Variants in ADPRS observed in about 807,000 individuals in gnomAD.
ADPRS encodes ADP-ribosylserine hydrolase.
In ADPRS, 25 loss-of-function variants were observed where a neutral mutation model predicts 32.1. That is an observed-to-expected ratio of 0.78 (90% CI 0.57 to 1.09). ADPRS has a LOEUF of 1.09. Ranked by LOEUF, ADPRS falls within the 50% of genes least tolerant of loss-of-function variation. The pLI is 0.00. For missense variants in ADPRS, 482 were observed against 480.6 expected, an observed-to-expected ratio of 1.00 and a Z score of -0.03; for synonymous variants, 225 against 201.0, an observed-to-expected ratio of 1.12 and a Z score of -1.01.
rs775626747 is a variant in ADPRS, at chr1:36,093,091, C to T, written c.803-6C>T. The T allele has an allele frequency of 6.2e-7, 1 of 1,611,626 alleles. No homozygotes were observed. Among genetic ancestry groups the T allele is most frequent in the Non-Finnish European group, 8.5e-7 (1 of 1,178,130 alleles). ...ATGCAGCCCCTCTAACCTGGCTTCCCCACAGGGAATGGCATTGCTGCCTTT... is the reference window on the plus strand; with the variant it reads ...ATGCAGCCCCTCTAACCTGGCTTCCTCACAGGGAATGGCATTGCTGCCTTT... On this transcript the variant is annotated splice_polypyrimidine_tract_variant and splice_region_variant and intron_variant, in intron 5 of 5. Transcript: ENST00000373178.
In ADPRS at chr1:36,091,296, C is replaced by G; in HGVS notation, c.264C>G (p.Ser88=). 1 of 1,614,200 alleles carries G rather than the reference C, an allele frequency of 6.2e-7. No homozygotes were observed. Residue 88 remains serine (S), a synonymous_variant, in exon 2 of 6, where the codon TCC becomes TCG. Coordinates refer to ENST00000373178, the MANE Select transcript of ADPRS (RefSeq NM_017825.3). ...DTAMARALVQ[S]LLAKEAFDEV... ...CCATGGCCAGGGCCCTGGTGCAGTCCCTGCTAGCCAAGGAGGCCTTTGACG... is the reference window on the plus strand; with the variant it reads ...CCATGGCCAGGGCCCTGGTGCAGTCGCTGCTAGCCAAGGAGGCCTTTGACG...
intron 1 of ADPRS, among the ~76,000 whole-genome samples, chr1:36,089,672 T>C (rs1342446431): frequency 6.6e-6 from 1 of 152,170 alleles, no homozygotes; most frequent in Non-Finnish European, 1.5e-5. Context: ...AAAACCCTGC[T>C]GTGATTTCCC....
intron 1 of ADPRS, among the ~76,000 whole-genome samples, chr1:36,090,037 G>C (rs1643457779): frequency 6.6e-6 from 1 of 152,196 alleles, no homozygotes; most frequent in South Asian, 2.1e-4. Flanking sequence ...GAAGGAAACA[G>C]TTTGATAGGA....
Position 36,093,651 on chromosome 1 carries a change from G to A in ADPRS, c.*265G>A, listed in dbSNP as rs1163779742. 6 of 467,768 alleles carry A rather than the reference G, an allele frequency of 1.3e-5. No individual in the cohort carries two copies. Among genetic ancestry groups the A allele is most frequent in the South Asian group, 7.4e-5 (2 of 27,126 alleles). The allele number at this position is 467,768 out of a possible 1,614,324, so 29.0% of individuals were successfully genotyped here. ...CTCAGTAGGACAGACAGACGCAGGC[G>A]GGTTTATTTTGGAGGGGTACTTGTG... On this transcript the variant is annotated 3_prime_UTR_variant, in exon 6 of 6. Coordinates refer to ENST00000373178, the MANE Select transcript of ADPRS (RefSeq NM_017825.3).
chr1:36,092,899 G>A (rs929149193), intron 5 of ADPRS, among the ~76,000 whole-genome samples, 198 bp from the exon 6 acceptor site: 7 of 152,248 alleles, frequency 4.6e-5, no homozygotes, highest in South Asian at 2.1e-4. Flanking sequence ...TCTGGGAGCA[G>A]GAAGCTTAGC....
In ADPRS at chr1:36,088,895, C is replaced by G. The variant is rs1347398387; in HGVS notation, c.-10C>G. 8.5e-6 allele frequency: 13 copies of G among 1,525,434 alleles called. No homozygotes were observed. The Admixed American group carries it at 1.2e-4, about 14-fold the overall frequency. The allele number at this position is 1,525,434 out of a possible 1,614,324, so 94.5% of individuals were successfully genotyped here. The stretch of plus-strand genomic sequence containing the variant: ...GGCGGCACCGGAAGTGGCGAGCAGT[C>G]TGCGCGCGGATGGCCGCAGCGGCGA... On this transcript the variant is annotated 5_prime_UTR_variant, in exon 1 of 6. Transcript: ENST00000373178.
intron 1 of ADPRS, among the ~76,000 whole-genome samples, chr1:36,090,762 G>A (rs1643469817): frequency 6.7e-6 from 1 of 150,164 alleles, no homozygotes; most frequent in Non-Finnish European, 1.5e-5. Context: ...TGGGGCAAGA[G>A]GCTCCTTGAG....
intron 4 of ADPRS, 130 bp downstream of exon 4, chr1:36,092,224 T>A (rs1643494228): frequency 2.3e-6 from 3 of 1,326,424 alleles, no homozygotes; most frequent in Non-Finnish European, 3.1e-6. Context: ...CCCTTTATCT[T>A]GTCTATGTTT....
chr1:36,091,564 A>C (rs145661866), intron 2 of ADPRS, 54 bp from the exon 3 acceptor site: 1 of 1,502,352 alleles, frequency 6.7e-7, no homozygotes, highest in South Asian at 1.3e-5. Context: ...CTTCTCTCCC[A>C]ACCCTTAGAG....
rs1643483347 is a variant in ADPRS, at chr1:36,091,528, C to T, written c.309-90C>T. 28 of 1,368,896 alleles carry T rather than the reference C, an allele frequency of 2.0e-5. 1 individual carries two copies. The South Asian group carries it at 3.9e-4, about 19-fold the overall frequency. 84.8% of individuals were successfully genotyped at this position (1,368,896 alleles called of 1,614,324 possible). ...AGGCTCCTTAGGCCCCCGAGGCTTTCTCTTTTTCCAAACTAGCCTCGATTT... is the reference window on the plus strand; with the variant it reads ...AGGCTCCTTAGGCCCCCGAGGCTTTTTCTTTTTCCAAACTAGCCTCGATTT... On this transcript the variant is annotated intron_variant, in intron 2 of 5. Transcript: ENST00000373178.
At chr1:36,090,347 C>T (rs1016883772) in intron 1 of ADPRS, among the ~76,000 whole-genome samples, 1 of 152,028 alleles carries the variant, frequency 6.6e-6, no homozygotes, top group Non-Finnish European at 1.5e-5. Flanking sequence ...AGGATGGCAG[C>T]CACAAGGGGA....
chr1:36,091,177 GCAAAAAACAACAACAAAAAAAA>G, intron 1 of ADPRS, 45 bp from the exon 2 acceptor site: 2 of 1,410,692 alleles, frequency 1.4e-6, no homozygotes, highest in Non-Finnish European at 2.0e-6. Flanking sequence ...TCCAAAAAAA[GCAAAAAACAACAACAAAAAAAA>G]CAAAGGTGAG....
Position 36,091,967 on chromosome 1 carries a change from ATCC to A in ADPRS, c.576_578del (p.Ile192_Leu193delinsMet). On this transcript the variant is annotated inframe_deletion, in exon 4 of 6. Transcript: ENST00000373178. ...CTCCTCCCTGGGTTACAATGGCGCC[ATCC>A]TGCAGGCCCTGGCTGTGCACCTGGC... The A allele has an allele frequency of 6.2e-7, 1 of 1,613,490 alleles. No individual in the cohort carries two copies. Among genetic ancestry groups the A allele is most frequent in the Non-Finnish European group, 8.5e-7 (1 of 1,179,616 alleles).
In ADPRS at chr1:36,093,840, AGCT is replaced by A; in HGVS notation, c.*456_*458del. The A allele has an allele frequency of 6.0e-6, 1 of 166,050 alleles. No homozygotes were observed. The highest frequency in any genetic ancestry group is 5.7e-5 in the Admixed American group (1 of 17,530). The allele number at this position is 166,050 out of a possible 1,614,324, so 10.3% of individuals were successfully genotyped here. Reference sequence around the variant, plus strand: ...GATGAAGGGACAGGCACTTGCATCCAGCTGATCTAGGTCACACCTGGCTCTTGG... The same window carrying A: ...GATGAAGGGACAGGCACTTGCATCCAGATCTAGGTCACACCTGGCTCTTGG... On this transcript the variant is annotated 3_prime_UTR_variant, in exon 6 of 6. Transcript: ENST00000373178.
intron 4 of ADPRS, 118 bp from the exon 5 acceptor site, chr1:36,092,304 C>T: frequency 3.3e-6 from 4 of 1,207,002 alleles, no homozygotes; most frequent in Non-Finnish European, 4.7e-6. Context: ...CTTGTCGGCA[C>T]CTGTGCCTGG....
rs756609050 is a variant in ADPRS at position 36,093,251 on chromosome 1, C to T, written c.957C>T (p.Ala319=). ...TTGGTGGGGACACAGACACCATTGC[C>T]ACCATGGCTGGGGCCATTGCTGGTG... ...ISLGGDTDTI[A]TMAGAIAGAY... is the part of the protein sequence containing the mutation. The change falls in exon 6 of 6, where the codon GCC becomes GCT. Residue 319 remains alanine (A), a synonymous_variant. Transcript: ENST00000373178. 1.2e-6 allele frequency: 2 copies of T among 1,614,238 alleles called. No homozygotes were observed. The highest frequency in any genetic ancestry group is 4.5e-5 in the East Asian group (2 of 44,890).
At position 36,091,935 on chromosome 1, in the gene ADPRS, C is replaced by CA; in HGVS notation, c.543dup (p.His182ThrfsTer44). Reference sequence around the variant, plus strand: ...TTTGCCCGGCTCTCGGCCCAGCTGACACACGCCTCCTCCCTGGGTTACAAT... The same window carrying CA: ...TTTGCCCGGCTCTCGGCCCAGCTGACAACACGCCTCCTCCCTGGGTTACAAT... On this transcript the variant is annotated frameshift_variant, in exon 4 of 6. Coordinates refer to ENST00000373178, the MANE Select transcript of ADPRS (RefSeq NM_017825.3). LOFTEE classifies it high-confidence loss of function. 2 of 1,608,328 alleles carry CA rather than the reference C, an allele frequency of 1.2e-6. No individual in the cohort carries two copies. Among genetic ancestry groups the CA allele is most frequent in the Non-Finnish European group, 1.7e-6 (2 of 1,175,816 alleles).
At position 36,091,722 on chromosome 1, in the gene ADPRS, C is replaced by T. The variant is rs1456079593; in HGVS notation, c.413C>T (p.Pro138Leu). Reference protein sequence around the residue: ...LNPKCRDVFEPARAQFNGKGS... With the variant: ...LNPKCRDVFELARAQFNGKGS... ...CCCAAATGTCGCGATGTCTTTGAGC[C>T]TGCCCGGGCCCAGTTTAACGGGAAA... Residue 138 changes from proline to leucine, a missense_variant, in exon 3 of 6, where the codon CCT (proline) becomes CTT (leucine). Coordinates refer to ENST00000373178, the MANE Select transcript of ADPRS (RefSeq NM_017825.3). The T allele has an allele frequency of 3.7e-6, 6 of 1,613,796 alleles. No homozygotes were observed. In the Admixed American group the frequency reaches 6.7e-5, roughly 18 times the overall value.
At chr1:36,089,168 G>A in intron 1 of ADPRS, 53 bp downstream of exon 1, 2 of 1,376,752 alleles carry the variant, frequency 1.5e-6, no homozygotes, top group Non-Finnish European at 1.9e-6. Context: ...GGCCGAAGGG[G>A]CGCGGAGCCT....
Sources: gnomAD v4.1 joint callset for allele counts (sites outside exome capture counted in the v4.1 genomes callset) on GRCh38, gnomAD v4.1.1 for gene constraint, MANE v1.5 for transcripts, NCBI Gene and HGNC (gene_info 2026-07-23, HGNC 2026-07-21) for gene names.